The following MALRD1 variants were observed in gnomAD, a reference collection of about 807,000 sequenced individuals.
MALRD1 encodes MAM and LDL receptor class A domain containing 1.
A neutral mutation model predicts 242.1 loss-of-function variants in MALRD1; 247 were observed. That is an observed-to-expected ratio of 1.02 (90% confidence interval 0.92 to 1.13). MALRD1 has a LOEUF of 1.13. Among genes scored for constraint, MALRD1 ranks in the 50% most tolerant of loss-of-function variants. MALRD1 has a pLI of 0.00. For synonymous variants in MALRD1, 995 were observed against 866.6 expected (o/e 1.15, Z -2.60); for missense variants, 2,989 against 2,533.1 (o/e 1.18, Z -3.86).
intron 18 of MALRD1, among the ~76,000 whole-genome samples, chr10:19,231,223 T>C (rs1838052526): frequency 6.6e-6 from 1 of 152,176 alleles, no homozygotes; most frequent in Admixed American, 6.6e-5. Context: ...CCCCAGCTTC[T>C]CAGCTCCCCC....
intron 12 of MALRD1, among the ~76,000 whole-genome samples, chr10:19,162,416 A>G (rs1252395058): frequency 1.3e-5 from 2 of 152,150 alleles, no homozygotes; most frequent in African/African-American, 4.8e-5. Context: ...GAAAATACAA[A>G]TTACTATAAT....
intron 26 of MALRD1, among the ~76,000 whole-genome samples, chr10:19,362,854 A>G (rs1286312284): frequency 6.6e-6 from 1 of 152,114 alleles, no homozygotes; most frequent in East Asian, 1.9e-4. Context: ...TGATAATACC[A>G]TAGACTAGTA....
intron 29 of MALRD1, among the ~76,000 whole-genome samples, chr10:19,490,724 G>GA (rs60724729): frequency 1.1e-4 from 16 of 152,036 alleles, no homozygotes; most frequent in Non-Finnish European, 2.1e-4. Flanking sequence ...TTTAGTTTTA[G>GA]AAAAAAACAC....
chr10:19,217,677 C>T (rs1321424301), intron 18 of MALRD1, among the ~76,000 whole-genome samples: 6 of 151,970 alleles, frequency 3.9e-5, no homozygotes, highest in Non-Finnish European at 7.4e-5. Context: ...CAGGCGTGCA[C>T]CATCGTGCCC....
intron 38 of MALRD1, among the ~76,000 whole-genome samples, chr10:19,719,246 A>ATATATATATATGTG (rs1834624896): frequency 7.4e-6 from 1 of 134,438 alleles, no homozygotes; most frequent in African/African-American, 2.8e-5. Context: ...ATATATATAT[A>ATATATATATATGTG]TATATATATA....
chr10:19,236,284 G>A (rs1838313065), intron 18 of MALRD1, among the ~76,000 whole-genome samples: 1 of 152,150 alleles, frequency 6.6e-6, no homozygotes, highest in Non-Finnish European at 1.5e-5. Context: ...GTGCAGGTGT[G>A]ATATGACACT....
At chr10:19,716,959 A>G (rs1451742041) in intron 38 of MALRD1, 2 of 152,206 alleles carry the variant, frequency 1.3e-5, no homozygotes, top group East Asian at 3.9e-4. Flanking sequence ...TATTTAAAGT[A>G]TGGGGAACTT....
rs563740160 is a variant in MALRD1, at chr10:19,669,210, G to C, written c.6138-23072G>C. Among the ~76,000 whole-genome samples, 4 of 152,348 alleles carry C rather than the reference G, an allele frequency of 2.6e-5. No individual in the cohort carries two copies. The East Asian group carries it at 7.7e-4, about 29-fold the overall frequency. ...TCTCTAGAAGCTAGAAGTTAATGGA[G>C]AAGCTATCTAGAAGCTAGAAGATTT... On this transcript the variant is annotated intron_variant, in intron 36 of 39. Transcript: ENST00000454679.
At position 19,246,114 on chromosome 10, in the gene MALRD1, A is replaced by G. The variant is rs79105288; in HGVS notation, c.2992-11570A>G. Among the ~76,000 whole-genome samples, 147 of 152,254 alleles carry G rather than the reference A, an allele frequency of 9.7e-4. No homozygotes were observed. In the East Asian group the frequency reaches 0.022, roughly 23 times the overall value. ...AATACAGTATCCCTTTCTAGTTGGT[A>G]GACAACTGACTATATTAGTTTGCTG... On this transcript the variant is annotated intron_variant, in intron 18 of 39. Transcript: ENST00000454679.
At chr10:19,066,896 T>C (rs1168277081) in intron 2 of MALRD1, 37 bp downstream of exon 2, 1 of 1,223,404 alleles carries the variant, frequency 8.2e-7, no homozygotes, top group Non-Finnish European at 1.0e-6. Flanking sequence ...CCTCTCTCCC[T>C]TCCTCCTTTC....
At chr10:19,555,805 T>C (rs369178278) in intron 32 of MALRD1, among the ~76,000 whole-genome samples, 24 of 152,274 alleles carry the variant, frequency 1.6e-4, no homozygotes, top group African/African-American at 5.8e-4. Flanking sequence ...GTTTGGTCTC[T>C]AAAGATTGAG....
rs188015576 is a variant in MALRD1 at position 19,136,254 on chromosome 10, T to A, written c.1204-320T>A. Among the ~76,000 whole-genome samples, 588 of 152,180 alleles carry A rather than the reference T, an allele frequency of 3.9e-3. 3 individuals are homozygous for A. Among genetic ancestry groups the A allele is most frequent in the Non-Finnish European group, 6.5e-3 (444 of 68,008 alleles). On this transcript the variant is annotated intron_variant, in intron 9 of 39. Transcript: ENST00000454679. ...AGTAACAAGTTTGCAGTCAGGGACA[T>A]TTTTTATAGTTAGGTGGGATGCTTG...
At chr10:19,101,499 A>C (rs1448933267) in intron 4 of MALRD1, among the ~76,000 whole-genome samples, 1 of 137,434 alleles carries the variant, frequency 7.3e-6, no homozygotes, top group Non-Finnish European at 1.5e-5. Context: ...TAAAATATAT[A>C]GCATATGTAT....
chr10:19,509,950 C>T (rs538709546), intron 31 of MALRD1, among the ~76,000 whole-genome samples: 54 of 152,044 alleles, frequency 3.6e-4, no homozygotes, highest in Non-Finnish European at 6.5e-4. Flanking sequence ...ACAGAGGATC[C>T]GCTCCAGCAC....
intron 21 of MALRD1, among the ~76,000 whole-genome samples, chr10:19,288,963 C>G (rs567692775): frequency 6.6e-6 from 1 of 152,002 alleles, no homozygotes; most frequent in African/African-American, 2.4e-5. Flanking sequence ...TGATTTCCCC[C>G]CTCCCTGCTT....
At chr10:19,571,570 A>T (rs567716263) in intron 33 of MALRD1, among the ~76,000 whole-genome samples, 14 of 152,300 alleles carry the variant, frequency 9.2e-5, no homozygotes, top group African/African-American at 3.4e-4. Flanking sequence ...GTAGGCTAAA[A>T]ATCTACAGAA....
At chr10:19,588,916 T>C (rs1837601540) in intron 33 of MALRD1, among the ~76,000 whole-genome samples, 1 of 152,204 alleles carries the variant, frequency 6.6e-6, no homozygotes, top group African/African-American at 2.4e-5. Context: ...GTGCCAGGAT[T>C]ACAGGCATGA....
At position 19,725,228 on chromosome 10, in the gene MALRD1, C is replaced by T. The variant is rs560628932; in HGVS notation, c.6315-5478C>T. Among the ~76,000 whole-genome samples, 7 of 152,212 alleles carry T rather than the reference C, an allele frequency of 4.6e-5. 1 individual carries two copies. Among genetic ancestry groups the T allele is most frequent in the South Asian group, 2.1e-4 (1 of 4,818 alleles). On this transcript the variant is annotated intron_variant, in intron 38 of 39. Coordinates refer to ENST00000454679, the MANE Select transcript of MALRD1 (RefSeq NM_001142308.3). The stretch of plus-strand genomic sequence containing the variant: ...TCTAGTTTCCATAATCCCCACAAGC[C>T]GTGGGAGGGACCTAGTGGGAGGTAA...
intron 28 of MALRD1, among the ~76,000 whole-genome samples, chr10:19,426,789 C>G (rs1753950246): frequency 6.6e-6 from 1 of 152,052 alleles, no homozygotes. Flanking sequence ...GGCTCCATCT[C>G]AAAACAAACA....
Sources: allele counts gnomAD v4.1 joint callset (sites outside exome capture counted in the v4.1 genomes callset), GRCh38; gene constraint gnomAD v4.1.1; transcripts MANE v1.5; gene names NCBI Gene and HGNC (gene_info 2026-07-23, HGNC 2026-07-21).